The following CEP170 variants were observed in gnomAD, a reference collection of about 807,000 sequenced individuals.
CEP170 encodes the protein centrosomal protein of 170 kDa.
A neutral mutation model predicts 151.9 loss-of-function variants in CEP170; 21 were observed. That is an observed-to-expected ratio of 0.14 (90% CI 0.10 to 0.20). The LOEUF (loss-of-function observed/expected upper bound fraction) is 0.20, where lower values mean the gene tolerates loss of function less well. Ranked by LOEUF, CEP170 falls within the 10% of genes least tolerant of loss-of-function variation. The pLI, the probability that CEP170 is intolerant of heterozygous loss-of-function variation, is 1.00. For synonymous variants in CEP170, 356 were observed against 648.8 expected, an observed-to-expected ratio of 0.55 and a Z score of 6.86; for missense variants, 964 against 1,892.9, an observed-to-expected ratio of 0.51 and a Z score of 9.11.
At chr1:243,190,733 C>T (rs1023958146) in intron 8 of CEP170, among the ~76,000 whole-genome samples, 12 of 151,962 alleles carry the variant, frequency 7.9e-5, no homozygotes, top group African/African-American at 2.9e-4. Context: ...TACTGGTAAA[C>T]TTAATAAATC....
Position 243,128,299 on chromosome 1 carries a change from T to C in CEP170, c.4415A>G (p.Glu1472Gly). The C allele has an allele frequency of 6.3e-7, 1 of 1,585,406 alleles. No homozygotes were observed. Among genetic ancestry groups the C allele is most frequent in the Non-Finnish European group, 8.5e-7 (1 of 1,170,846 alleles). The change falls in exon 19 of 20, where the codon GAG becomes GGG. Residue 1472 changes from glutamate to glycine, a missense_variant and splice_region_variant. By Grantham distance (98) the Glu-to-Gly change is moderately conservative. Transcript: ENST00000366542. ...EVPIVKTSSM[E>G]ISSILQELKR... is the part of the protein sequence containing the mutation. ...CAGTTCCTGTAAGATAGAAGAAATC[T>C]CCTGCAGGGAAAGCAATAACAAAAA... is the stretch of plus-strand genomic sequence containing the variant.
At chr1:243,247,960 CT>C (rs2065578803) in intron 1 of CEP170, among the ~76,000 whole-genome samples, 1 of 152,198 alleles carries the variant, frequency 6.6e-6, no homozygotes, top group African/African-American at 2.4e-5. Context: ...CACTAGCTTC[CT>C]GATAAATTCT....
Position 243,126,146 on chromosome 1 carries a change from GAA to G in CEP170, c.*301_*302del, listed in dbSNP as rs922941686. 4.2e-6 allele frequency: 2 copies of G among 481,628 alleles called. No individual in the cohort carries two copies. Among genetic ancestry groups the G allele is most frequent in the African/African-American group, 3.9e-5 (2 of 51,030 alleles). 29.8% of individuals were successfully genotyped at this position (481,628 alleles called of 1,614,324 possible). A position where few individuals can be genotyped will look rare whatever the true frequency, so the allele number is the denominator to read the frequency against. ...AGGTCACAGCATGGCTTAAAAAAAA[GAA>G]AAAAGATCTATGAAGGGAAAGGGTG... On this transcript the variant is annotated 3_prime_UTR_variant, in exon 20 of 20. Coordinates refer to ENST00000366542, the MANE Select transcript of CEP170 (RefSeq NM_014812.3).
intron 1 of CEP170, among the ~76,000 whole-genome samples, chr1:243,234,464 G>C (rs561064069): frequency 1.1e-4 from 17 of 151,996 alleles, no homozygotes; most frequent in Non-Finnish European, 1.8e-4. Flanking sequence ...AACAAAGGGG[G>C]GTTAAAAGTG....
intron 19 of CEP170, among the ~76,000 whole-genome samples, chr1:243,127,482 A>G (rs2053840716): frequency 6.6e-6 from 1 of 152,124 alleles, no homozygotes; most frequent in South Asian, 2.1e-4. Context: ...TGTAGAAGGG[A>G]CTTTTAAAAG....
chr1:243,247,056 CA>C (rs1431608043), intron 1 of CEP170, among the ~76,000 whole-genome samples: 1 of 152,122 alleles, frequency 6.6e-6, no homozygotes, highest in African/African-American at 2.4e-5. Flanking sequence ...CCTGCTTCCT[CA>C]AATCAGTTTC....
chr1:243,221,078 G>A (rs535981488), intron 3 of CEP170, among the ~76,000 whole-genome samples: 1 of 152,062 alleles, frequency 6.6e-6, no homozygotes, highest in Non-Finnish European at 1.5e-5. Context: ...AGGCTGGAGT[G>A]CAGTGGCGCT....
chr1:243,134,101 T>C (rs980635415), intron 17 of CEP170, among the ~76,000 whole-genome samples: 8 of 152,110 alleles, frequency 5.3e-5, no homozygotes, highest in East Asian at 1.9e-4. Flanking sequence ...CAAGTGGAAA[T>C]AGAAAATGTG....
chr1:243,211,421 T>C (rs1377720472), intron 4 of CEP170: 1 of 153,404 alleles, frequency 6.5e-6, no homozygotes, highest in Non-Finnish European at 1.4e-5. Flanking sequence ...TTGAATTTAA[T>C]AGGCAATATA....
At chr1:243,145,803 C>G (rs1457909968) in intron 14 of CEP170, among the ~76,000 whole-genome samples, 1 of 152,190 alleles carries the variant, frequency 6.6e-6, no homozygotes, top group Admixed American at 6.5e-5. Context: ...GAGATCATAA[C>G]TGTAATGACT....
At chr1:243,191,992 T>C (rs1457556959) in intron 7 of CEP170, among the ~76,000 whole-genome samples, 3 of 152,152 alleles carry the variant, frequency 2.0e-5, no homozygotes, top group African/African-American at 7.2e-5. Context: ...ATGAAGTAAA[T>C]ATGTAAGTGA....
chr1:243,232,550 C>T (rs1309255770), intron 1 of CEP170, among the ~76,000 whole-genome samples: 2 of 152,108 alleles, frequency 1.3e-5, no homozygotes, highest in African/African-American at 2.4e-5. Flanking sequence ...TATACTGTAA[C>T]GATATGATTA....
chr1:243,167,180 T>C (rs992474766), intron 12 of CEP170, among the ~76,000 whole-genome samples: 1 of 152,078 alleles, frequency 6.6e-6, no homozygotes, highest in African/African-American at 2.4e-5. Flanking sequence ...ACAACATAAC[T>C]AGTTTTTAAA....
chr1:243,213,832 C>A (rs1241666309), intron 3 of CEP170, among the ~76,000 whole-genome samples: 1 of 152,138 alleles, frequency 6.6e-6, no homozygotes, highest in Non-Finnish European at 1.5e-5. Flanking sequence ...CCCACCTCAG[C>A]CTCCTCAGTA....
At chr1:243,211,775 T>C (rs371183844) in intron 4 of CEP170, 111 bp downstream of exon 4, 20 of 1,257,698 alleles carry the variant, frequency 1.6e-5, no homozygotes, top group Admixed American at 4.3e-5. Context: ...ACCCAATAAA[T>C]AGAAATTCTG....
chr1:243,130,961 A>G (rs1346983582), intron 17 of CEP170, among the ~76,000 whole-genome samples: 2 of 152,264 alleles, frequency 1.3e-5, no homozygotes, highest in East Asian at 3.9e-4. Context: ...GGAAATAATG[A>G]CTATTTCATG....
At chr1:243,128,161 C>G in intron 19 of CEP170, 88 bp downstream of exon 19, 1 of 1,224,208 alleles carries the variant, frequency 8.2e-7, no homozygotes, top group South Asian at 1.7e-5. Context: ...AATCAAATAA[C>G]ATCCTAACAA....
intron 16 of CEP170, among the ~76,000 whole-genome samples, chr1:243,138,106 T>C (rs1310624171): frequency 6.6e-6 from 1 of 152,194 alleles, no homozygotes; most frequent in Non-Finnish European, 1.5e-5. Flanking sequence ...TCATGAAGTT[T>C]AGTTTGTTGT....
intron 3 of CEP170, among the ~76,000 whole-genome samples, chr1:243,220,154 A>C (rs2062662774): frequency 6.6e-6 from 1 of 152,250 alleles, no homozygotes; most frequent in African/African-American, 2.4e-5. Context: ...TTCAAAAAGA[A>C]GTAGAATTTG....
Sources: gnomAD v4.1 joint callset for allele counts (sites outside exome capture counted in the v4.1 genomes callset) on GRCh38, gnomAD v4.1.1 for gene constraint, MANE v1.5 for transcripts, NCBI Gene and HGNC (gene_info 2026-07-23, HGNC 2026-07-21) for gene names.